CD8B: variants seen among roughly 807,000 people sequenced by gnomAD.
The protein encoded by CD8B is T-cell surface glycoprotein CD8 beta chain.
CD8B carries 6 observed loss-of-function variants against 24.2 expected under a neutral mutation model. That is an observed-to-expected ratio of 0.25 (90% CI 0.14 to 0.49). The LOEUF (loss-of-function observed/expected upper bound fraction) is 0.49. CD8B is among the 20% of genes least tolerant of loss of function. The probability of loss-of-function intolerance (pLI) is 0.98; values close to 1 mark genes in which losing one functional copy is unlikely to be tolerated. For missense variants in CD8B, 196 were observed against 271.3 expected (o/e 0.72, Z 1.95); for synonymous variants, 84 against 108.3 (o/e 0.78, Z 1.39).
intron 5 of CD8B, chr2:86,833,040 G>C: frequency 2.5e-6 from 1 of 397,746 alleles, no homozygotes. Context: ...CCTTCCTCTT[G>C]CTGCAGCCTC....
At position 86,842,181 on chromosome 2, in the gene CD8B, A is replaced by G; in HGVS notation, c.*126T>C. Reference sequence around the variant, plus strand: ...ACAGAAAGGCCTTGCAGCAGTGAAAAGCAGGCAGCTTCAGCAGCCATTGAA... The same window carrying G: ...ACAGAAAGGCCTTGCAGCAGTGAAAGGCAGGCAGCTTCAGCAGCCATTGAA... On this transcript the variant is annotated 3_prime_UTR_variant, in exon 6 of 6. Coordinates refer to ENST00000390655, the MANE Select transcript of CD8B (RefSeq NM_004931.5). 6.7e-7 allele frequency: 1 copy of G among 1,489,578 alleles called. No individual in the cohort carries two copies. The allele number at this position is 1,489,578 out of a possible 1,614,324, so 92.3% of individuals were successfully genotyped here. A position where few individuals can be genotyped will look rare whatever the true frequency, so the allele number is the denominator to read the frequency against.
intron 5 of CD8B, among the ~76,000 whole-genome samples, chr2:86,832,058 C>T (rs914576992): frequency 3.3e-5 from 5 of 152,176 alleles, no homozygotes; most frequent in Admixed American, 6.5e-5. Flanking sequence ...TCTCATCTGA[C>T]GAGCTTGAGT....
downstream of CD8B, among the ~76,000 whole-genome samples, chr2:86,835,160 G>A (rs1425084660): frequency 6.6e-6 from 1 of 152,122 alleles, no homozygotes; most frequent in East Asian, 1.9e-4. Context: ...ACTGGCTCTG[G>A]TCTGAGCCAC....
In CD8B at chr2:86,841,989, AC is replaced by A; in HGVS notation, c.*317del. 2 of 1,116,306 alleles carry A rather than the reference AC, an allele frequency of 1.8e-6. No individual in the cohort carries two copies. Among genetic ancestry groups the A allele is most frequent in the Non-Finnish European group, 2.2e-6 (2 of 914,294 alleles). The allele number at this position is 1,116,306 out of a possible 1,614,324, so 69.2% of individuals were successfully genotyped here. A position where few individuals can be genotyped will look rare whatever the true frequency, so the allele number is the denominator to read the frequency against. On this transcript the variant is annotated 3_prime_UTR_variant, in exon 6 of 6. Transcript: ENST00000390655. Reference sequence around the variant, plus strand: ...CAAAGATGGTGGCTAAATGGCCACCACTAAAGGTCCCAGTTCAGGGAAAGCA... The same window carrying A: ...CAAAGATGGTGGCTAAATGGCCACCATAAAGGTCCCAGTTCAGGGAAAGCA...
intron 5 of CD8B, among the ~76,000 whole-genome samples, chr2:86,831,136 C>G (rs1674892064): frequency 6.6e-6 from 1 of 152,154 alleles, no homozygotes; most frequent in Admixed American, 6.5e-5. Context: ...GTGGTGCGAT[C>G]TTGGCTCACT....
rs1192369826 is a variant in CD8B at position 86,832,995 on chromosome 2, C to T, written c.620+11927G>A. The T allele has an allele frequency of 9.6e-6, 3 of 313,810 alleles. No homozygotes were observed. In the East Asian group the frequency reaches 4.2e-4, roughly 44 times the overall value. The allele number at this position is 313,810 out of a possible 1,614,324, so 19.4% of individuals were successfully genotyped here. The stretch of plus-strand genomic sequence containing the variant: ...CTCCCCTCCCCTCCCCTCTTCTCTC[C>T]TCTCCTCTTCTCTCTCTCCCTCTTT... On this transcript the variant is annotated intron_variant, in intron 5 of 5. Transcript: ENST00000331469.
chr2:86,833,942 C>T (rs1361377404), downstream of CD8B, among the ~76,000 whole-genome samples: 2 of 152,134 alleles, frequency 1.3e-5, no homozygotes, highest in Non-Finnish European at 2.9e-5. Flanking sequence ...AGCCACCGTG[C>T]CCGGCCAAAT....
intron 5 of CD8B, among the ~76,000 whole-genome samples, chr2:86,844,143 C>A (rs2104545684): frequency 6.6e-6 from 1 of 152,202 alleles, no homozygotes; most frequent in Middle Eastern, 3.4e-3. Context: ...AATGTCACTG[C>A]CCTACCAGGG....
At position 86,820,533 on chromosome 2, in the gene CD8B, G is replaced by A. The variant is rs79027549; in HGVS notation, c.621-4815C>T. 3.0e-3 allele frequency among the ~76,000 whole-genome samples: 460 copies of A among 152,102 alleles called. 4 individuals are homozygous for A. The highest frequency in any genetic ancestry group is 0.011 in the African/African-American group (441 of 41,432). On this transcript the variant is annotated intron_variant, in intron 5 of 5. Coordinates refer to the CD8B transcript ENST00000331469. ...TAATAAATTATTTTTTGATTAAGAC[G>A]TACTTTTTTTTTCAGACATAATGTC...
chr2:86,815,723 C>A lies in CD8B; in HGVS notation c.621-5G>T, dbSNP rs1472925953. The A allele has an allele frequency of 2.7e-6, 4 of 1,507,382 alleles. No individual in the cohort carries two copies. In the Admixed American group the frequency reaches 6.8e-5, roughly 26 times the overall value. 93.4% of individuals were successfully genotyped at this position (1,507,382 alleles called of 1,614,324 possible). Reference sequence around the variant, plus strand: ...GATATACCTTCCCCTTGAGGCCTTGCAAAAAGAAAAACAAGAGAGTCTCAA... The same window carrying A: ...GATATACCTTCCCCTTGAGGCCTTGAAAAAAGAAAAACAAGAGAGTCTCAA... On this transcript the variant is annotated splice_region_variant and splice_polypyrimidine_tract_variant and intron_variant, in intron 5 of 5. Transcript: ENST00000331469.
rs1183048404 is a variant in CD8B, at chr2:86,839,162, C to G, written c.*3145G>C. Reference sequence around the variant, plus strand: ...TGCCATATATTGTATTAAGAATAATCTATACAGATGTTTTAAAAATATATG... The same window carrying G: ...TGCCATATATTGTATTAAGAATAATGTATACAGATGTTTTAAAAATATATG... On this transcript the variant is annotated 3_prime_UTR_variant, in exon 6 of 6. Coordinates refer to ENST00000390655, the MANE Select transcript of CD8B (RefSeq NM_004931.5). 1.3e-5 allele frequency among the ~76,000 whole-genome samples: 2 copies of G among 152,210 alleles called. No individual in the cohort carries two copies. Among genetic ancestry groups the G allele is most frequent in the African/African-American group, 4.8e-5 (2 of 41,452 alleles).
At chr2:86,860,202 G>A (rs1433916819) in intron 1 of CD8B, among the ~76,000 whole-genome samples, 3 of 152,266 alleles carry the variant, frequency 2.0e-5, no homozygotes, top group Admixed American at 6.5e-5. Flanking sequence ...CCCGGGAGGC[G>A]GAGATTGCAG....
At chr2:86,852,171 G>A (rs1331989141) in intron 3 of CD8B, among the ~76,000 whole-genome samples, 1 of 152,082 alleles carries the variant, frequency 6.6e-6, no homozygotes, top group Non-Finnish European at 1.5e-5. Context: ...TCACCGTGTT[G>A]CCCAGGCTGG....
chr2:86,826,430 C>T (rs1674690093), intron 5 of CD8B, among the ~76,000 whole-genome samples: 1 of 152,068 alleles, frequency 6.6e-6, no homozygotes, highest in South Asian at 2.1e-4. Flanking sequence ...GAAACAGGAA[C>T]CACCAATCGA....
At chr2:86,852,147 G>T (rs551597355) in intron 3 of CD8B, among the ~76,000 whole-genome samples, 1 of 152,182 alleles carries the variant, frequency 6.6e-6, no homozygotes, top group African/African-American at 2.4e-5. Context: ...TTACATTTTC[G>T]TAGAGACAGA....
At position 86,840,057 on chromosome 2, in the gene CD8B, G is replaced by T. The variant is rs1170087840; in HGVS notation, c.*2250C>A. Among the ~76,000 whole-genome samples the T allele has an allele frequency of 2.6e-5, 4 of 152,204 alleles. No homozygotes were observed. Among genetic ancestry groups the T allele is most frequent in the African/African-American group, 4.8e-5 (2 of 41,454 alleles). On this transcript the variant is annotated 3_prime_UTR_variant, in exon 6 of 6. Transcript: ENST00000390655. ...TGAGGCAGGAGTCTAGGGTCTGGGG[G>T]CAGGGAATCTAAGGCCAATTCGTGC...
At chr2:86,833,138 G>A in intron 5 of CD8B, 1 of 268,498 alleles carries the variant, frequency 3.7e-6, no homozygotes, top group African/African-American at 2.3e-5. Context: ...ATAATTCCCT[G>A]CATCCTGCTT....
intron 3 of CD8B, 91 bp from the exon 4 acceptor site, chr2:86,846,864 G>T (rs1675705449): frequency 6.9e-6 from 5 of 728,476 alleles, no homozygotes; most frequent in Non-Finnish European, 1.2e-5. Context: ...AATTCAACTG[G>T]AAGCCCCACC....
intron 5 of CD8B, among the ~76,000 whole-genome samples, chr2:86,819,781 T>TA (rs1674390709): frequency 6.6e-6 from 1 of 152,212 alleles, no homozygotes; most frequent in Non-Finnish European, 1.5e-5. Context: ...ATACATTTCG[T>TA]AAGGCTAGAG....
Sources: gnomAD v4.1 joint callset for allele counts (sites outside exome capture counted in the v4.1 genomes callset) on GRCh38, gnomAD v4.1.1 for gene constraint, MANE v1.5 for transcripts, NCBI Gene and HGNC (gene_info 2026-07-23, HGNC 2026-07-21) for gene names.